DDX19A: variants seen among roughly 807,000 people sequenced by gnomAD.
DDX19A encodes the protein DEAD-box helicase 19A.
DDX19A carries 12 observed loss-of-function variants against 60.6 expected under a neutral mutation model. The ratio of observed to expected loss-of-function variants is 0.20; its 90% confidence interval spans 0.13 to 0.32. DDX19A has a LOEUF of 0.32. Among genes scored for constraint, DDX19A ranks in the 10% least tolerant of loss-of-function variants. The pLI is 1.00. For synonymous variants in DDX19A, 206 were observed against 218.2 expected (o/e 0.94, Z 0.49); for missense variants, 337 against 600.6 (o/e 0.56, Z 4.59).
At chr16:70,369,762 G>C (rs1256475978) in intron 9 of DDX19A, among the ~76,000 whole-genome samples, 1 of 151,582 alleles carries the variant, frequency 6.6e-6, no homozygotes, top group East Asian at 1.9e-4. Flanking sequence ...GGACTTACAG[G>C]CCTACACCAC....
intron 8 of DDX19A, 98 bp from the exon 9 acceptor site, chr16:70,366,526 A>G: frequency 2.0e-6 from 3 of 1,515,924 alleles, no homozygotes; most frequent in Non-Finnish European, 2.7e-6. Context: ...CTCCCCCATC[A>G]GCCTTCCTGG....
Position 70,354,143 on chromosome 16 carries a change from GT to G in DDX19A, c.107-1331del, listed in dbSNP as rs572652241. 4.9e-3 allele frequency among the ~76,000 whole-genome samples: 719 copies of G among 146,146 alleles called. 1 individual carries two copies. The highest frequency in any genetic ancestry group is 0.022 in the Middle Eastern group (6 of 276). ...TATTATACCAATTAATATTTCTGGG[GT>G]TTTTTTTTTTCTTTTTTTGAGACGG... On this transcript the variant is annotated intron_variant, in intron 2 of 11. Transcript: ENST00000302243.
chr16:70,354,490 C>T (rs1040707842), intron 2 of DDX19A, among the ~76,000 whole-genome samples: 2 of 152,212 alleles, frequency 1.3e-5, no homozygotes, highest in African/African-American at 4.8e-5. Flanking sequence ...TGTTTCCCTA[C>T]AATCTCATCA....
At chr16:70,349,516 A>G (rs1963948175) in intron 1 of DDX19A, among the ~76,000 whole-genome samples, 2 of 152,204 alleles carry the variant, frequency 1.3e-5, no homozygotes, top group Non-Finnish European at 2.9e-5. Flanking sequence ...CCAGCCTTGC[A>G]AATAGGCTTT....
chr16:70,347,177 A>T (rs1291380180), intron 1 of DDX19A, 129 bp downstream of exon 1: 1 of 879,184 alleles, frequency 1.1e-6, no homozygotes, highest in South Asian at 1.4e-5. Context: ...TAGGGCAGTC[A>T]CTTGCCCTTG....
intron 4 of DDX19A, chr16:70,356,868 G>T: frequency 7.8e-7 from 1 of 1,275,070 alleles, no homozygotes; most frequent in Admixed American, 2.4e-5. Context: ...AATATTGGCT[G>T]ACAGGTGATT....
chr16:70,358,582 G>A (rs1276487205), intron 4 of DDX19A, among the ~76,000 whole-genome samples: 2 of 151,830 alleles, frequency 1.3e-5, no homozygotes, highest in African/African-American at 2.4e-5. Flanking sequence ...GGTGGCTCAC[G>A]CCTATAATCA....
intron 2 of DDX19A, among the ~76,000 whole-genome samples, chr16:70,352,378 G>A (rs1407891104): frequency 1.3e-5 from 2 of 149,666 alleles, no homozygotes; most frequent in South Asian, 2.1e-4. Context: ...TCCGCCTCCC[G>A]GGTTCAAGCG....
chr16:70,365,012 G>A lies in DDX19A; in HGVS notation c.490-5G>A. On this transcript the variant is annotated splice_region_variant and splice_polypyrimidine_tract_variant and intron_variant, in intron 6 of 11. Coordinates refer to ENST00000302243, the MANE Select transcript of DDX19A (RefSeq NM_018332.5). The stretch of plus-strand genomic sequence containing the variant: ...TAAACTCATCCTTTATGATTTTTCT[G>A]TCAGTGTCTGTGCCTCTCCCCAACA... 6.2e-7 allele frequency: 1 copy of A among 1,612,524 alleles called. No homozygotes were observed. Among genetic ancestry groups the A allele is most frequent in the African/African-American group, 1.3e-5 (1 of 74,992 alleles).
At chr16:70,364,188 T>C (rs749908278) in intron 5 of DDX19A, 67 of 183,904 alleles carry the variant, frequency 3.6e-4, no homozygotes, top group Non-Finnish European at 6.7e-4. Flanking sequence ...TGGGAATGCA[T>C]CATGGCTCAG....
chr16:70,365,908 A>C, intron 7 of DDX19A, 177 bp from the exon 8 acceptor site: 1 of 832,288 alleles, frequency 1.2e-6, no homozygotes, highest in Non-Finnish European at 1.9e-6. Context: ...GCACTGAGAT[A>C]GGTGTCATTC....
intron 10 of DDX19A, 64 bp from the exon 11 acceptor site, chr16:70,371,308 T>G: frequency 6.2e-7 from 1 of 1,614,134 alleles, no homozygotes; most frequent in Non-Finnish European, 8.5e-7. Flanking sequence ...GACCTACCTA[T>G]GGATGACAGT....
intron 1 of DDX19A, among the ~76,000 whole-genome samples, chr16:70,349,461 A>G (rs570142577): frequency 6.6e-6 from 1 of 152,324 alleles, no homozygotes; most frequent in South Asian, 2.1e-4. Flanking sequence ...TCTAGGAATG[A>G]TGGGAACCTT....
In DDX19A at chr16:70,350,600, C is replaced by G. The variant is rs531318121; in HGVS notation, c.101C>G (p.Thr34Ser). The G allele has an allele frequency of 1.5e-5, 24 of 1,611,136 alleles. No homozygotes were observed. The highest frequency in any genetic ancestry group is 5.9e-6 in the Non-Finnish European group (7 of 1,178,498). ...QIKEEKVKAD[T>S]NGIIKTSTTA... is the part of the protein sequence containing the mutation. Reference sequence around the variant, plus strand: ...AAGGAAGAGAAAGTCAAAGCAGATACCAATGGTGAGTCACTAGTAACTACA... The same window carrying G: ...AAGGAAGAGAAAGTCAAAGCAGATAGCAATGGTGAGTCACTAGTAACTACA... Residue 34 changes from threonine to serine, a missense_variant, in exon 2 of 12, where the codon ACC (threonine) becomes AGC (serine). By Grantham distance (58) the Thr-to-Ser change is moderately conservative. Transcript: ENST00000302243.
chr16:70,356,309 A>G (rs892011819), intron 4 of DDX19A, 62 bp downstream of exon 4: 2 of 1,578,248 alleles, frequency 1.3e-6, no homozygotes, highest in Non-Finnish European at 1.7e-6. Context: ...AAAACTTAGC[A>G]TCTGAGAGAT....
intron 1 of DDX19A, among the ~76,000 whole-genome samples, chr16:70,350,199 G>C (rs905581658): frequency 6.6e-6 from 1 of 152,174 alleles, no homozygotes. Flanking sequence ...GCCGCAGTGA[G>C]CCATGATCGT....
chr16:70,369,752 G>A (rs941940225), intron 9 of DDX19A, among the ~76,000 whole-genome samples: 64 of 151,700 alleles, frequency 4.2e-4, no homozygotes, highest in Admixed American at 2.8e-3. Flanking sequence ...CAAGTAGCTG[G>A]GACTTACAGG....
At chr16:70,356,909 A>T (rs1414926345) in intron 4 of DDX19A, 3 of 1,260,308 alleles carry the variant, frequency 2.4e-6, no homozygotes, top group Non-Finnish European at 3.1e-6. Flanking sequence ...CTGATTAGGT[A>T]AGCCCTTAAG....
intron 4 of DDX19A, among the ~76,000 whole-genome samples, chr16:70,358,222 C>G (rs113439094): frequency 0.092 from 14,043 of 151,854 alleles, 2,118 homozygotes; most frequent in African/African-American, 0.32. Context: ...GTAGAGACAG[C>G]GTTTCATCAT....
Sources: allele counts gnomAD v4.1 joint callset (sites outside exome capture counted in the v4.1 genomes callset), GRCh38; gene constraint gnomAD v4.1.1; transcripts MANE v1.5; gene names NCBI Gene and HGNC (gene_info 2026-07-23, HGNC 2026-07-21).